USB1: variants seen among roughly 807,000 people sequenced by gnomAD.
USB1 encodes U6 snRNA phosphodiesterase 1.
A neutral mutation model predicts 29.9 loss-of-function variants in USB1; 21 were observed. The observed-to-expected ratio is 0.70, with a 90% CI of 0.50 to 1.01. The LOEUF (loss-of-function observed/expected upper bound fraction) is 1.01. Among genes scored for constraint, USB1 ranks in the 50% least tolerant of loss-of-function variants. USB1 has a pLI of 0.00. For synonymous variants in USB1, 143 were observed against 134.9 expected (o/e 1.06, Z -0.42); for missense variants, 330 against 347.1 (o/e 0.95, Z 0.39).
intron 1 of USB1, 90 bp from the exon 2 acceptor site, chr16:58,002,387 CAT>C (rs1425490836): frequency 6.3e-6 from 10 of 1,579,228 alleles, no homozygotes; most frequent in African/African-American, 1.3e-5. Flanking sequence ...TCAGAGCCAC[CAT>C]ATATAAGGGG....
At position 58,013,243 on chromosome 16, in the gene USB1, C is replaced by G. The variant is rs1597052195; in HGVS notation, c.450-1030C>G. On this transcript the variant is annotated intron_variant, in intron 3 of 6. Coordinates refer to ENST00000219281, the MANE Select transcript of USB1 (RefSeq NM_024598.4). This position sits in a 1 kb window ranked among gnomAD's most constrained non-coding sequence, Gnocchi z 4.3. ...CAGGAGAAGGAGTTTTGGTTGGGCA[C>G]AGACATCCAGTGTCCACTCCAGGAT... 6.1e-6 allele frequency: 6 copies of G among 985,428 alleles called. No homozygotes were observed. Among genetic ancestry groups the G allele is most frequent in the Non-Finnish European group, 7.2e-6 (6 of 829,964 alleles). The allele number at this position is 985,428 out of a possible 1,614,324, so 61.0% of individuals were successfully genotyped here.
chr16:58,005,408 C>T (rs996075286), intron 2 of USB1, among the ~76,000 whole-genome samples: 9 of 152,168 alleles, frequency 5.9e-5, no homozygotes, highest in South Asian at 2.1e-4. Context: ...TCTTCCCAGA[C>T]GCTGGCATTA....
At chr16:58,017,874 T>C (rs1005464893) in intron 5 of USB1, among the ~76,000 whole-genome samples, 4 of 152,102 alleles carry the variant, frequency 2.6e-5, no homozygotes, top group African/African-American at 9.7e-5. Flanking sequence ...GGGCCATTCA[T>C]TTTATTTGAT....
At chr16:58,001,736 C>A in intron 1 of USB1, 155 bp downstream of exon 1, 1 of 918,604 alleles carries the variant, frequency 1.1e-6, no homozygotes, top group South Asian at 1.6e-5. Context: ...AGAAGATATA[C>A]CCCTCCCCCC....
intron 2 of USB1, among the ~76,000 whole-genome samples, chr16:58,006,273 AC>A (rs1281224499): frequency 1.9e-4 from 29 of 150,406 alleles, no homozygotes; most frequent in Non-Finnish European, 4.3e-4. Context: ...AATCACTTGA[AC>A]CCAGGAGGCA....
intron 6 of USB1, 29 bp downstream of exon 6, chr16:58,019,084 G>C: frequency 1.2e-6 from 2 of 1,609,722 alleles, no homozygotes; most frequent in East Asian, 4.5e-5. Flanking sequence ...AGCACAGAGG[G>C]CGCTGAACTC....
chr16:58,002,955 G>C (rs1209676070), intron 2 of USB1, among the ~76,000 whole-genome samples: 1 of 152,172 alleles, frequency 6.6e-6, no homozygotes, highest in Non-Finnish European at 1.5e-5. Flanking sequence ...ATTTCTGAGA[G>C]GGCCCTGGGT....
At chr16:58,007,507 G>A (rs1476137094) in intron 2 of USB1, among the ~76,000 whole-genome samples, 1 of 152,040 alleles carries the variant, frequency 6.6e-6, no homozygotes, top group Non-Finnish European at 1.5e-5. Flanking sequence ...TCAGCCTCAT[G>A]AGTAGCTGGG....
intron 2 of USB1, among the ~76,000 whole-genome samples, chr16:58,003,217 G>C (rs538997452): frequency 2.5e-4 from 38 of 152,206 alleles, no homozygotes; most frequent in Admixed American, 7.8e-4. Flanking sequence ...TTGAGCCCAG[G>C]TGTTTGAGAC....
chr16:58,008,578 C>T (rs1963416002), intron 2 of USB1, among the ~76,000 whole-genome samples: 1 of 151,684 alleles, frequency 6.6e-6, no homozygotes, highest in Non-Finnish European at 1.5e-5. Flanking sequence ...CTCAGCCTCC[C>T]AAGTAGCTAG....
chr16:58,013,224 A>G lies in USB1; in HGVS notation c.450-1049A>G. ...TCCTGCAACACGAGGTTACCAGGAG[A>G]AGGAGTTTTGGTTGGGCACAGACAT... On this transcript the variant is annotated intron_variant, in intron 3 of 6. Transcript: ENST00000219281. The surrounding 1 kb of genome is among the most constrained non-coding windows in gnomAD (Gnocchi z 4.3). The G allele has an allele frequency of 5.1e-6, 5 of 985,368 alleles. No individual in the cohort carries two copies. The highest frequency in any genetic ancestry group is 6.0e-6 in the Non-Finnish European group (5 of 829,952). The allele number at this position is 985,368 out of a possible 1,614,324, so 61.0% of individuals were successfully genotyped here.
At chr16:58,007,666 G>A (rs977511527) in intron 2 of USB1, among the ~76,000 whole-genome samples, 1 of 151,642 alleles carries the variant, frequency 6.6e-6, no homozygotes, top group African/African-American at 2.4e-5. Flanking sequence ...ACAGGTGTGA[G>A]CCACAGAGCC....
At chr16:58,002,210 GC>G (rs1364873245) in intron 1 of USB1, among the ~76,000 whole-genome samples, 1 of 152,218 alleles carries the variant, frequency 6.6e-6, no homozygotes, top group East Asian at 1.9e-4. Flanking sequence ...TACTCCAGCT[GC>G]AGCCTGTCCA....
intron 3 of USB1, chr16:58,012,160 C>T: frequency 7.0e-7 from 1 of 1,433,438 alleles, no homozygotes; most frequent in South Asian, 1.5e-5. Flanking sequence ...AGCTGAACCC[C>T]TTCTGAGGGC....
chr16:58,000,968 G>T (rs370259248), upstream of USB1, among the ~76,000 whole-genome samples: 1,601 of 152,218 alleles, frequency 0.011, 14 homozygotes, highest in Admixed American at 0.022. The surrounding 1 kb of genome is among the most constrained non-coding windows in gnomAD (Gnocchi z 4.5). Context: ...GGAGAGGAGG[G>T]GCCTCCTAGA....
rs1179732074 is a variant in USB1 at position 58,018,975 on chromosome 16, CCTT to C, written c.617_619del (p.Ser206del). 2.5e-6 allele frequency: 4 copies of C among 1,614,072 alleles called. No individual in the cohort carries two copies. The highest frequency in any genetic ancestry group is 3.4e-6 in the Non-Finnish European group (4 of 1,180,034). The stretch of plus-strand genomic sequence containing the variant: ...TGCCTCTCGTTTCCCTCCCCAGGAT[CCTT>C]CTTTCCACCTCAGCCTGGCCTGGTG... On this transcript the variant is annotated inframe_deletion, in exon 6 of 7. Transcript: ENST00000219281.
chr16:58,010,070 C>T lies in USB1; in HGVS notation c.407C>T (p.Pro136Leu). The T allele has an allele frequency of 1.1e-5, 17 of 1,614,132 alleles. No homozygotes were observed. Among genetic ancestry groups the T allele is most frequent in the Non-Finnish European group, 1.4e-5 (17 of 1,180,028 alleles). The change falls in exon 3 of 7, where the codon CCC becomes CTC. Residue 136 changes from proline to leucine, a missense_variant. By Grantham distance (98) the Pro-to-Leu change is moderately conservative. Transcript: ENST00000219281. ...SVVLRHHWIL[P>L]FVQALKARMT... ...GTTCTGCGCCACCACTGGATCCTCC[C>T]CTTCGTGCAGGCTCTGAAAGCCCGT...
At chr16:58,007,257 T>C (rs1963382785) in intron 2 of USB1, among the ~76,000 whole-genome samples, 1 of 152,258 alleles carries the variant, frequency 6.6e-6, no homozygotes, top group Admixed American at 6.5e-5. Flanking sequence ...TCTGCTTTTG[T>C]CTTCTGAAAG....
intron 3 of USB1, chr16:58,010,775 C>T (rs572557717): frequency 7.9e-5 from 43 of 541,012 alleles, no homozygotes; most frequent in African/African-American, 6.6e-4. Flanking sequence ...GGAAGGGTCC[C>T]GAGCATGGGA....
Sources: gnomAD v4.1 joint callset for allele counts (sites outside exome capture counted in the v4.1 genomes callset) on GRCh38, gnomAD v4.1.1 for gene constraint, Gnocchi (gnomAD v3.1) non-coding constraint, MANE v1.5 for transcripts, NCBI Gene and HGNC (gene_info 2026-07-23, HGNC 2026-07-21) for gene names.